Variants in HYAL4 observed in about 807,000 individuals in gnomAD.
HYAL4 encodes hyaluronidase-4.
Under a neutral mutation model 35.2 loss-of-function variants are expected in HYAL4, and 37 were observed. The ratio of observed to expected loss-of-function variants is 1.05; its 90% CI spans 0.81 to 1.38. HYAL4 has a LOEUF of 1.38. HYAL4 is among the 40% of genes most tolerant of loss of function. The pLI is 0.00. For missense variants in HYAL4, 572 were observed against 572.4 expected (o/e 1.00, Z 0.01); for synonymous variants, 198 against 203.2 (o/e 0.97, Z 0.22).
intron 2 of HYAL4, among the ~76,000 whole-genome samples, chr7:123,853,008 G>A (rs1276089301): frequency 6.6e-6 from 1 of 152,150 alleles, no homozygotes; most frequent in Non-Finnish European, 1.5e-5. Flanking sequence ...ATTGTGAATA[G>A]GAGTTCATTC....
chr7:123,789,757 C>G, the HYAL4 span, among the ~76,000 whole-genome samples: 1 of 151,990 alleles, frequency 6.6e-6, no homozygotes, highest in Non-Finnish European at 1.5e-5. Context: ...AGGACGTATA[C>G]ATGAATACAT....
chr7:123,817,635 T>A, the HYAL4 span, among the ~76,000 whole-genome samples: 1 of 147,134 alleles, frequency 6.8e-6, no homozygotes, highest in African/African-American at 2.5e-5. Context: ...CTCAGCCTCC[T>A]GAGTAGTTGG....
the HYAL4 span, among the ~76,000 whole-genome samples, chr7:123,792,574 G>C: frequency 6.6e-6 from 1 of 152,148 alleles, no homozygotes; most frequent in Admixed American, 6.5e-5. Flanking sequence ...GCTTGACTGG[G>C]TCTTTTAGTA....
At position 123,868,312 on chromosome 7, in the gene HYAL4, T is replaced by C. The variant is rs556397427; in HGVS notation, c.39T>C (p.Val13=). The change falls in exon 3 of 5, where the codon GTT becomes GTC. Residue 13 remains valine (V), a synonymous_variant. Transcript: ENST00000223026. ...VLSEGQLKLC[V]VQPVHLTSWL... Reference sequence around the variant, plus strand: ...CTGAAGGACAGTTAAAGCTTTGTGTTGTTCAACCAGTACATCTCACTTCAT... The same window carrying C: ...CTGAAGGACAGTTAAAGCTTTGTGTCGTTCAACCAGTACATCTCACTTCAT... 25 of 1,578,712 alleles carry C rather than the reference T, an allele frequency of 1.6e-5. No individual in the cohort carries two copies. In the African/African-American group the frequency reaches 2.2e-4, roughly 14 times the overall value.
intron 2 of HYAL4, among the ~76,000 whole-genome samples, chr7:123,860,552 T>G (rs895258842): frequency 2.0e-5 from 3 of 152,220 alleles, no homozygotes; most frequent in Non-Finnish European, 4.4e-5. Flanking sequence ...AATGTCCTTA[T>G]CAATATGTAG....
chr7:123,858,251 AT>A (rs1312992833), intron 2 of HYAL4, among the ~76,000 whole-genome samples: 2 of 152,160 alleles, frequency 1.3e-5, no homozygotes, highest in East Asian at 3.9e-4. Context: ...AGTGAAGAAA[AT>A]TATATACAGA....
At chr7:123,871,463 A>AT (rs1806882240) in intron 3 of HYAL4, among the ~76,000 whole-genome samples, 1 of 152,086 alleles carries the variant, frequency 6.6e-6, no homozygotes, top group African/African-American at 2.4e-5. Context: ...AAGCGCTGGG[A>AT]TTTTAGGTGT....
chr7:123,861,625 A>G (rs1806577633), intron 2 of HYAL4, among the ~76,000 whole-genome samples: 1 of 152,232 alleles, frequency 6.6e-6, no homozygotes, highest in Admixed American at 6.6e-5. Context: ...TTGCTTCATT[A>G]AAAACGAGGC....
chr7:123,814,015 T>C, the HYAL4 span: 2 of 152,218 alleles, frequency 1.3e-5, no homozygotes, highest in Non-Finnish European at 2.9e-5. Context: ...GCCTCAAAGA[T>C]ATTTTAAAAT....
At chr7:123,773,098 C>A in the HYAL4 span, among the ~76,000 whole-genome samples, 1 of 152,036 alleles carries the variant, frequency 6.6e-6, no homozygotes, top group Admixed American at 6.6e-5. Context: ...CTAATCTTGC[C>A]CATGAAAGCT....
the HYAL4 span, among the ~76,000 whole-genome samples, chr7:123,795,498 A>G: frequency 6.6e-6 from 1 of 152,068 alleles, no homozygotes; most frequent in African/African-American, 2.4e-5. Context: ...ATGGGAGGTA[A>G]TTTAGTCATG....
At chr7:123,842,368 G>T (rs553631863), upstream of HYAL4, among the ~76,000 whole-genome samples, 36 of 152,106 alleles carry the variant, frequency 2.4e-4, no homozygotes, top group African/African-American at 5.8e-4. Context: ...GAGACAGTTT[G>T]TTGTGATTTC....
intron 2 of HYAL4, among the ~76,000 whole-genome samples, chr7:123,857,388 C>T (rs1357446971): frequency 1.3e-5 from 2 of 152,120 alleles, no homozygotes; most frequent in Non-Finnish European, 2.9e-5. Context: ...CTGGATAGCA[C>T]TGTCTCTCAC....
At chr7:123,816,182 T>C in the HYAL4 span, among the ~76,000 whole-genome samples, 1 of 152,148 alleles carries the variant, frequency 6.6e-6, no homozygotes, top group Non-Finnish European at 1.5e-5. Flanking sequence ...AGAAAGTTTT[T>C]AAGTATATTT....
intron 2 of HYAL4, among the ~76,000 whole-genome samples, chr7:123,858,538 G>A (rs551297033): frequency 2.5e-4 from 38 of 152,006 alleles, no homozygotes; most frequent in African/African-American, 8.9e-4. Context: ...AACAGAGAAA[G>A]GCAAGAGTGC....
chr7:123,808,388 G>A, the HYAL4 span, among the ~76,000 whole-genome samples: 12 of 150,230 alleles, frequency 8.0e-5, no homozygotes, highest in South Asian at 2.1e-4. Context: ...ACACACACAC[G>A]CATGCACACA....
At chr7:123,862,707 T>C (rs1806601607) in intron 2 of HYAL4, among the ~76,000 whole-genome samples, 1 of 152,254 alleles carries the variant, frequency 6.6e-6, no homozygotes, top group South Asian at 2.1e-4. Context: ...TGAACTGCTC[T>C]CATTTCTGTC....
At chr7:123,808,625 C>T in the HYAL4 span, among the ~76,000 whole-genome samples, 1 of 152,122 alleles carries the variant, frequency 6.6e-6, no homozygotes, top group Non-Finnish European at 1.5e-5. Flanking sequence ...AAGCTGATGC[C>T]CTTTCTCTCT....
chr7:123,779,713 A>G, the HYAL4 span, among the ~76,000 whole-genome samples: 1 of 152,178 alleles, frequency 6.6e-6, no homozygotes, highest in Non-Finnish European at 1.5e-5. Flanking sequence ...GTATAAATTT[A>G]GGAGAGAATC....
Sources: allele counts gnomAD v4.1 joint callset (sites outside exome capture counted in the v4.1 genomes callset), GRCh38; gene constraint gnomAD v4.1.1; transcripts MANE v1.5; gene names NCBI Gene and HGNC (gene_info 2026-07-23, HGNC 2026-07-21).